The following PIK3C2G variants were observed in gnomAD, a reference collection of about 807,000 sequenced individuals.
PIK3C2G encodes phosphatidylinositol-4-phosphate 3-kinase catalytic subunit type 2 gamma.
Under a neutral mutation model 181.1 loss-of-function variants are expected in PIK3C2G, and 168 were observed. The observed-to-expected ratio is 0.93, with a 90% CI of 0.82 to 1.05. The LOEUF (loss-of-function observed/expected upper bound fraction) is 1.05. Ranked by LOEUF, PIK3C2G falls within the 50% of genes least tolerant of loss-of-function variation. The probability of loss-of-function intolerance (pLI) is 0.00; values close to 1 mark genes in which losing one functional copy is unlikely to be tolerated. For synonymous variants in PIK3C2G, 573 were observed against 592.2 expected (o/e 0.97, Z 0.47); for missense variants, 1,869 against 1,732.8 (o/e 1.08, Z -1.40).
chr12:18,476,490 C>G (rs966490662), intron 18 of PIK3C2G, among the ~76,000 whole-genome samples: 1 of 151,834 alleles, frequency 6.6e-6, no homozygotes, highest in Non-Finnish European at 1.5e-5. Context: ...TTTCATTAGA[C>G]TAAGTAAAAA....
At chr12:18,373,894 A>G (rs535823758) in intron 13 of PIK3C2G, among the ~76,000 whole-genome samples, 1 of 151,930 alleles carries the variant, frequency 6.6e-6, no homozygotes, top group Non-Finnish European at 1.5e-5. Context: ...AATTTGGCCC[A>G]CAGAAGTTTT....
At chr12:18,447,154 G>T (rs910396327) in intron 18 of PIK3C2G, among the ~76,000 whole-genome samples, 1 of 152,168 alleles carries the variant, frequency 6.6e-6, no homozygotes, top group African/African-American at 2.4e-5. Context: ...TTTGGTTCGT[G>T]TGTTAGATGA....
chr12:18,299,797 G>T (rs569258791), intron 5 of PIK3C2G, among the ~76,000 whole-genome samples: 4 of 152,020 alleles, frequency 2.6e-5, no homozygotes, highest in Non-Finnish European at 5.9e-5. Context: ...TGAGCATTTG[G>T]TTTTTATTCT....
At chr12:18,662,341 C>G in the PIK3C2G span, among the ~76,000 whole-genome samples, 1 of 151,506 alleles carries the variant, frequency 6.6e-6, no homozygotes. Context: ...TTAAAAAACA[C>G]AAAATTGAGG....
At position 18,496,160 on chromosome 12, in the gene PIK3C2G, G is replaced by A. The variant is rs1592408361; in HGVS notation, c.2886+6G>A. ...ACATCAGCATTATTTTTAAGGTATG[G>A]TAGCGCTCTTAAAACATGAATTGAT... On this transcript the variant is annotated splice_donor_region_variant and intron_variant, in intron 21 of 32. Coordinates refer to ENST00000538779, the MANE Select transcript of PIK3C2G (RefSeq NM_001288772.2). The A allele has an allele frequency of 6.8e-7, 1 of 1,469,720 alleles. No homozygotes were observed. The highest frequency in any genetic ancestry group is 1.3e-5 in the South Asian group (1 of 78,278). 91.0% of individuals were successfully genotyped at this position (1,469,720 alleles called of 1,614,324 possible).
At chr12:18,455,085 C>T (rs958307817) in intron 18 of PIK3C2G, among the ~76,000 whole-genome samples, 1 of 152,112 alleles carries the variant, frequency 6.6e-6, no homozygotes, top group African/African-American at 2.4e-5. Flanking sequence ...TAATTCCTTG[C>T]CAGGAGGCCC....
chr12:18,273,250 T>G (rs1948822860), intron 1 of PIK3C2G, among the ~76,000 whole-genome samples: 1 of 152,180 alleles, frequency 6.6e-6, no homozygotes, highest in Non-Finnish European at 1.5e-5. Flanking sequence ...CATTGCTTGT[T>G]TTTGTCAGGT....
intron 16 of PIK3C2G, among the ~76,000 whole-genome samples, chr12:18,415,940 G>C (rs575507802): frequency 1.3e-5 from 2 of 152,250 alleles, no homozygotes; most frequent in Admixed American, 6.5e-5. Flanking sequence ...TAGCAGAGTT[G>C]GTTCATAAGG....
intron 18 of PIK3C2G, among the ~76,000 whole-genome samples, chr12:18,453,987 C>T (rs1947499155): frequency 6.6e-6 from 1 of 152,072 alleles, no homozygotes; most frequent in Non-Finnish European, 1.5e-5. Flanking sequence ...TTTTAAGTGC[C>T]ACATAAATGC....
chr12:18,311,977 G>A (rs1950656523), intron 5 of PIK3C2G, among the ~76,000 whole-genome samples: 1 of 152,192 alleles, frequency 6.6e-6, no homozygotes, highest in Admixed American at 6.5e-5. Flanking sequence ...TTTGAGAGCA[G>A]GAAGCATCCA....
chr12:18,492,280 C>T (rs7138700), intron 20 of PIK3C2G, among the ~76,000 whole-genome samples: 48,111 of 151,964 alleles, frequency 0.32, 8,681 homozygotes, highest in African/African-American at 0.49. Context: ...CTATCATGCA[C>T]GGACAATAAA....
chr12:18,283,371 C>A (rs1437747671), intron 2 of PIK3C2G, among the ~76,000 whole-genome samples: 2 of 152,054 alleles, frequency 1.3e-5, no homozygotes, highest in Non-Finnish European at 2.9e-5. Context: ...CTACTTATTT[C>A]TCTGCTTGAG....
At chr12:18,250,469 C>T (rs983235248) in intron 1 of PIK3C2G, among the ~76,000 whole-genome samples, 1 of 152,026 alleles carries the variant, frequency 6.6e-6, no homozygotes, top group African/African-American at 2.4e-5. Context: ...TCACGAGGAG[C>T]TTCTTGACAT....
chr12:18,416,571 T>C (rs190201900), intron 16 of PIK3C2G, among the ~76,000 whole-genome samples: 120 of 152,320 alleles, frequency 7.9e-4, no homozygotes, highest in African/African-American at 2.8e-3. Context: ...CAATGCTCAT[T>C]TACTATTTCA....
the PIK3C2G span, chr12:18,705,174 A>C: frequency 3.3e-5 from 53 of 1,613,860 alleles, no homozygotes; most frequent in Non-Finnish European, 4.3e-5. Context: ...ACCTCTGGTG[A>C]TGGTAGAGTA....
At chr12:18,578,492 G>A (rs1473050882) in intron 29 of PIK3C2G, among the ~76,000 whole-genome samples, 1 of 152,132 alleles carries the variant, frequency 6.6e-6, no homozygotes, top group African/African-American at 2.4e-5. Flanking sequence ...CTATCTGCAA[G>A]TAAGTTAGTC....
At chr12:18,548,619 A>G (rs544133025) in intron 26 of PIK3C2G, among the ~76,000 whole-genome samples, 2 of 152,076 alleles carry the variant, frequency 1.3e-5, no homozygotes, top group Admixed American at 1.3e-4. Flanking sequence ...CTAGAACCTC[A>G]TGGCAGTGAG....
chr12:18,283,480 T>C lies in PIK3C2G; in HGVS notation c.678+721T>C, dbSNP rs143739857. On this transcript the variant is annotated intron_variant, in intron 2 of 32. Transcript: ENST00000538779. The stretch of plus-strand genomic sequence containing the variant: ...CAGTTTCCTGGGTGAGGCAGAAGGG[T>C]TCTTTATTTATTCAACAACTATTTA... Among the ~76,000 whole-genome samples the C allele has an allele frequency of 4.7e-3, 717 of 152,232 alleles. 3 individuals carry two copies. Among genetic ancestry groups the C allele is most frequent in the African/African-American group, 0.017 (686 of 41,544 alleles).
At chr12:18,391,463 A>C (rs1027262942) in intron 15 of PIK3C2G, among the ~76,000 whole-genome samples, 1 of 152,174 alleles carries the variant, frequency 6.6e-6, no homozygotes, top group Non-Finnish European at 1.5e-5. Flanking sequence ...CTGTGGTCTT[A>C]AGGAAAAGTA....
Sources: allele counts gnomAD v4.1 joint callset (sites outside exome capture counted in the v4.1 genomes callset), GRCh38; gene constraint gnomAD v4.1.1; transcripts MANE v1.5; gene names NCBI Gene and HGNC (gene_info 2026-07-23, HGNC 2026-07-21).